Variants in NAPSA observed in about 807,000 individuals in gnomAD.
NAPSA encodes the protein napsin-A.
In NAPSA, 37 loss-of-function variants were observed where a neutral mutation model predicts 36.7. That is an observed-to-expected ratio of 1.01 (90% CI 0.78 to 1.33). The LOEUF (loss-of-function observed/expected upper bound fraction) is 1.33, where lower values mean the gene tolerates loss of function less well. Ranked by LOEUF, NAPSA falls within the 40% of genes most tolerant of loss-of-function variation. NAPSA has a pLI of 0.00. For missense variants in NAPSA, 532 were observed against 543.8 expected (o/e 0.98, Z 0.21); for synonymous variants, 222 against 234.5 (o/e 0.95, Z 0.49).
chr19:50,361,770 G>T lies in NAPSA; in HGVS notation c.361C>A (p.Arg121=). 6.2e-7 allele frequency: 1 copy of T among 1,614,084 alleles called. No individual in the cohort carries two copies. Among genetic ancestry groups the T allele is most frequent in the South Asian group, 1.1e-5 (1 of 91,078 alleles). The part of the protein sequence containing the change: ...FFSVPCWLHH[R]FDPKASSSFQ... ...GAGCTAGAGGCTTTGGGATCAAATC[G>T]GTGGTGTAACCCTAGGTTAGAGGTC... is the stretch of plus-strand genomic sequence containing the variant. Residue 121 remains arginine (R), a synonymous_variant, in exon 4 of 9, where the codon CGA becomes AGA. Coordinates refer to ENST00000253719, the MANE Select transcript of NAPSA (RefSeq NM_004851.3).
chr19:50,362,155 G>A lies in NAPSA; in HGVS notation c.225+17C>T, dbSNP rs931316455. The stretch of plus-strand genomic sequence containing the variant: ...TCAAGGGCGCAGGGGTGAGGGCTGT[G>A]TGGGGCTGTGACTCACATCCCTGTA... On this transcript the variant is annotated intron_variant, in intron 2 of 8. Coordinates refer to ENST00000253719, the MANE Select transcript of NAPSA (RefSeq NM_004851.3). The A allele has an allele frequency of 6.8e-6, 11 of 1,612,720 alleles. No homozygotes were observed. The highest frequency in any genetic ancestry group is 9.3e-6 in the Non-Finnish European group (11 of 1,179,100).
chr19:50,365,644 C>T (rs2123621669), upstream of NAPSA: 7 of 1,588,790 alleles, frequency 4.4e-6, no homozygotes, highest in South Asian at 7.9e-5. Context: ...GGGTGTGAAC[C>T]CAGGTGTCCT....
At position 50,358,487 on chromosome 19, in the gene NAPSA, T is replaced by G. The variant is rs747613673; in HGVS notation, c.*66A>C. ...CCCAGGCAGGTTCGCTCAATGGAAA[T>G]AGTGGATTTTTACTGGGTAGCAGGA... On this transcript the variant is annotated 3_prime_UTR_variant, in exon 9 of 9. Transcript: ENST00000253719. The G allele has an allele frequency of 1.9e-5, 25 of 1,334,248 alleles. No homozygotes were observed. Among genetic ancestry groups the G allele is most frequent in the Non-Finnish European group, 2.2e-5 (22 of 992,140 alleles). The allele number at this position is 1,334,248 out of a possible 1,614,324, so 82.7% of individuals were successfully genotyped here. A position where few individuals can be genotyped will look rare whatever the true frequency, so the allele number is the denominator to read the frequency against.
rs749278682 is a variant in NAPSA at position 50,358,543 on chromosome 19, C to T, written c.*10G>A. The T allele has an allele frequency of 1.4e-5, 22 of 1,575,550 alleles. No individual in the cohort carries two copies. The highest frequency in any genetic ancestry group is 1.8e-5 in the Non-Finnish European group (21 of 1,161,164). On this transcript the variant is annotated 3_prime_UTR_variant, in exon 9 of 9. Coordinates refer to ENST00000253719, the MANE Select transcript of NAPSA (RefSeq NM_004851.3). ...GCGACCACCCGCTGCGCATGCGCTT[C>T]ACTTGGGCGTCACCCGGGGAACTGC...
chr19:50,359,261 T>C, intron 7 of NAPSA, 152 bp from the exon 8 acceptor site: 1 of 842,612 alleles, frequency 1.2e-6, no homozygotes, highest in South Asian at 1.7e-5. Context: ...ACTTACGCAG[T>C]CCCAAGCAAA....
intron 1 of NAPSA, among the ~76,000 whole-genome samples, chr19:50,364,708 TG>T (rs1270833972): frequency 6.6e-6 from 1 of 150,666 alleles, no homozygotes; most frequent in Admixed American, 6.6e-5. Context: ...AAAAGGGCTC[TG>T]GGACCGGACG....
chr19:50,359,456 A>G (rs751062181), intron 7 of NAPSA, 47 bp downstream of exon 7: 1 of 1,610,940 alleles, frequency 6.2e-7, no homozygotes. Context: ...TCACTGTCAA[A>G]CTGCCATCAG....
chr19:50,359,465 A>G, intron 7 of NAPSA, 38 bp downstream of exon 7: 1 of 1,612,592 alleles, frequency 6.2e-7, no homozygotes, highest in Non-Finnish European at 8.5e-7. Flanking sequence ...AACTGCCATC[A>G]GCCTTCCCAG....
At chr19:50,366,792 C>T (rs1054211134), upstream of NAPSA, among the ~76,000 whole-genome samples, 9 of 151,440 alleles carry the variant, frequency 5.9e-5, no homozygotes, top group East Asian at 1.9e-4. Flanking sequence ...CTCAGCCTCC[C>T]GAGTAGCTGG....
chr19:50,361,892 C>T, intron 3 of NAPSA, 77 bp downstream of exon 3: 1 of 1,599,970 alleles, frequency 6.3e-7, no homozygotes, highest in Admixed American at 1.7e-5. Context: ...TCCTCAAAAG[C>T]CTCTGAGAAG....
chr19:50,367,462 G>A (rs1274515), upstream of NAPSA, among the ~76,000 whole-genome samples: 4,283 of 152,150 alleles, frequency 0.028, 201 homozygotes, highest in African/African-American at 0.098. Flanking sequence ...TCTTAGATAA[G>A]ATCCAGAAGA....
Position 50,358,591 on chromosome 19 carries a change from C to T in NAPSA, c.1225G>A (p.Gly409Arg), listed in dbSNP as rs536609831. The change falls in exon 9 of 9, where the codon GGA (glycine) becomes AGA (arginine). Residue 409 changes from glycine (G) to arginine (R), a missense_variant. By Grantham distance (125) the Gly-to-Arg change is moderately radical (BLOSUM62 -2). Coordinates refer to ENST00000253719, the MANE Select transcript of NAPSA (RefSeq NM_004851.3). ...ARARTRGADLGWGETAQAQFP... is the reference protein window; with the variant it reads ...ARARTRGADLRWGETAQAQFP... ...TGCGCCTGCGCAGTCTCTCCCCATC[C>T]GAGGTCCGCTCCGCGAGTGCGAGCG... The T allele has an allele frequency of 7.1e-5, 114 of 1,610,742 alleles. No homozygotes were observed. Among genetic ancestry groups the T allele is most frequent in the East Asian group, 1.3e-4 (6 of 44,776 alleles).
rs1476898925 is a variant in NAPSA at position 50,361,597 on chromosome 19, G to A, written c.468+66C>T. On this transcript the variant is annotated intron_variant, in intron 4 of 8. Coordinates refer to ENST00000253719, the MANE Select transcript of NAPSA (RefSeq NM_004851.3). ...AGCTCCTCCTCGAGCCTCTTCCTAA[G>A]CCAGATGATCTTAGACAATGGGGTT... is the stretch of plus-strand genomic sequence containing the variant. 1.7e-5 allele frequency: 24 copies of A among 1,403,616 alleles called. No homozygotes were observed. In the East Asian group the frequency reaches 5.5e-4, roughly 32 times the overall value. The allele number at this position is 1,403,616 out of a possible 1,614,324, so 86.9% of individuals were successfully genotyped here.
rs368480741 is a variant in NAPSA, at chr19:50,359,592, C to G, written c.847G>C (p.Asp283His). ...CCTGTGATGAGGGACGTGCCCGTAT[C>G]CAGGATGGCAGCACAGCCCTTGGCA... ...LCAKGCAAILDTGTSLITGPT... is the reference protein window; with the variant it reads ...LCAKGCAAILHTGTSLITGPT... The change falls in exon 7 of 9, where the codon GAT becomes CAT. Residue 283 changes from aspartate (D) to histidine (H), a missense_variant. Physicochemically the swap from Asp to His is moderately conservative, Grantham distance 81. This residue lies in a region of NAPSA where 385 missense variants were observed against 371.5 expected (regional missense o/e 1.04). Transcript: ENST00000253719. The G allele has an allele frequency of 5.6e-6, 9 of 1,614,228 alleles. No homozygotes were observed. Among genetic ancestry groups the G allele is most frequent in the Non-Finnish European group, 7.6e-6 (9 of 1,180,044 alleles).
chr19:50,359,198 C>G, intron 7 of NAPSA, 89 bp from the exon 8 acceptor site: 1 of 1,186,804 alleles, frequency 8.4e-7, no homozygotes, highest in Non-Finnish European at 1.2e-6. Context: ...GGTAATTTCC[C>G]TATTGAGCAC....
chr19:50,359,682 T>C, intron 6 of NAPSA, 35 bp from the exon 7 acceptor site: 1 of 1,613,912 alleles, frequency 6.2e-7, no homozygotes, highest in Middle Eastern at 1.7e-4. Flanking sequence ...AGAGGCAGGG[T>C]CCTAGGAGTC....
In NAPSA at chr19:50,362,107, G is replaced by A. The variant is rs374408799; in HGVS notation, c.226-15C>T. Reference sequence around the variant, plus strand: ...AAATACTGCACCTGATAGCAAAAGAGGAGAGTAAACGAAGAGTTTGGCTCA... The same window carrying A: ...AAATACTGCACCTGATAGCAAAAGAAGAGAGTAAACGAAGAGTTTGGCTCA... On this transcript the variant is annotated splice_polypyrimidine_tract_variant and intron_variant, in intron 2 of 8. Transcript: ENST00000253719. 4.2e-5 allele frequency: 67 copies of A among 1,614,038 alleles called. No individual in the cohort carries two copies. In the African/African-American group the frequency reaches 8.0e-4, roughly 19 times the overall value.
chr19:50,359,024 T>G lies in NAPSA; in HGVS notation c.1022A>C (p.Asp341Ala). Residue 341 changes from aspartate to alanine, a missense_variant, in exon 8 of 9, where the codon GAT (aspartate) becomes GCT (alanine). Coordinates refer to ENST00000253719, the MANE Select transcript of NAPSA (RefSeq NM_004851.3). ...ATGGCCACCTACCTGGATGACGTAA[T>G]CATGGGCCGTGAGGTTAAACCAGAC... is the stretch of plus-strand genomic sequence containing the variant. ...GGVWFNLTAH[D>A]YVIQTTRNGV... 1 of 1,613,776 alleles carries G rather than the reference T, an allele frequency of 6.2e-7. No homozygotes were observed. Among genetic ancestry groups the G allele is most frequent in the Non-Finnish European group, 8.5e-7 (1 of 1,179,752 alleles).
intron 1 of NAPSA, among the ~76,000 whole-genome samples, chr19:50,364,350 T>C (rs1056753165): frequency 6.9e-6 from 1 of 144,668 alleles, no homozygotes; most frequent in Non-Finnish European, 1.5e-5. Context: ...GCGCGGTGGC[T>C]TACGCCTGTA....
Sources: gnomAD v4.1 joint callset for allele counts (sites outside exome capture counted in the v4.1 genomes callset) on GRCh38, gnomAD v4.1.1 for gene constraint, gnomAD v4.1.1 regional missense constraint, MANE v1.5 for transcripts, NCBI Gene and HGNC (gene_info 2026-07-23, HGNC 2026-07-21) for gene names.